VWA3B: variants seen among roughly 807,000 people sequenced by gnomAD.
VWA3B encodes von Willebrand factor A domain containing 3B.
In VWA3B, 138 loss-of-function variants were observed where a neutral mutation model predicts 158.3. That is an observed-to-expected ratio of 0.87 (90% confidence interval 0.76 to 1.00). The LOEUF (loss-of-function observed/expected upper bound fraction) is 1.00, where lower values mean the gene tolerates loss of function less well. VWA3B is among the 50% of genes least tolerant of loss of function. VWA3B has a pLI of 0.00. For missense variants in VWA3B, 1,555 were observed against 1,565.1 expected, an observed-to-expected ratio of 0.99 and a Z score of 0.11; for synonymous variants, 596 against 587.3, an observed-to-expected ratio of 1.01 and a Z score of -0.21.
At chr2:98,215,306 T>G (rs144708105) in intron 13 of VWA3B, among the ~76,000 whole-genome samples, 3,095 of 150,896 alleles carry the variant, frequency 0.021, 34 homozygotes, top group Middle Eastern at 0.068. Context: ...CTGGGCCTGG[T>G]GGCGTGCGCC....
intron 12 of VWA3B, among the ~76,000 whole-genome samples, chr2:98,211,420 T>A (rs940702267): frequency 1.3e-5 from 2 of 152,226 alleles, no homozygotes; most frequent in Non-Finnish European, 2.9e-5. Context: ...ATTTTCTAAG[T>A]GTTTACTACG....
At chr2:98,215,267 C>T (rs1683880357) in intron 13 of VWA3B, among the ~76,000 whole-genome samples, 1 of 151,536 alleles carries the variant, frequency 6.6e-6, no homozygotes, top group Admixed American at 6.6e-5. Flanking sequence ...ACGGTGAAAC[C>T]CCGTCTCTAC....
At chr2:98,096,640 C>T (rs1682734916) in intron 2 of VWA3B, among the ~76,000 whole-genome samples, 1 of 152,148 alleles carries the variant, frequency 6.6e-6, no homozygotes, top group Non-Finnish European at 1.5e-5. Context: ...CTTCATAATT[C>T]AATCTTGGTA....
intron 22 of VWA3B, among the ~76,000 whole-genome samples, chr2:98,284,863 C>T (rs74695808): frequency 0.1 from 15,139 of 151,950 alleles, 1,018 homozygotes; most frequent in Non-Finnish European, 0.15. Context: ...ATGGAAAATC[C>T]CCAGTTTCGG....
chr2:98,276,032 G>A (rs896521643), intron 22 of VWA3B, among the ~76,000 whole-genome samples: 4 of 152,218 alleles, frequency 2.6e-5, no homozygotes, highest in East Asian at 1.9e-4. Flanking sequence ...GGCTAAGACT[G>A]TCCCCTCACT....
intron 19 of VWA3B, among the ~76,000 whole-genome samples, chr2:98,246,262 G>A (rs1417415290): frequency 6.6e-6 from 1 of 152,002 alleles, no homozygotes; most frequent in Non-Finnish European, 1.5e-5. Flanking sequence ...TAAAAATAAA[G>A]CATTTCAGAT....
At chr2:98,185,399 T>C (rs1457941194) in intron 9 of VWA3B, among the ~76,000 whole-genome samples, 2 of 152,256 alleles carry the variant, frequency 1.3e-5, no homozygotes, top group African/African-American at 4.8e-5. Context: ...CTTTTCTGGC[T>C]TATCTCCGTG....
intron 8 of VWA3B, among the ~76,000 whole-genome samples, chr2:98,174,650 T>G (rs1679859550): frequency 6.6e-6 from 1 of 152,174 alleles, no homozygotes; most frequent in South Asian, 2.1e-4. Context: ...TTTCCAAAGC[T>G]CTGAGGTATT....
chr2:98,110,498 G>A (rs1339030569), intron 2 of VWA3B, among the ~76,000 whole-genome samples: 3 of 151,968 alleles, frequency 2.0e-5, no homozygotes, highest in South Asian at 2.1e-4. Context: ...TCTCATCTTG[G>A]TGTTGATATT....
At chr2:98,119,373 A>G (rs1674777215) in intron 3 of VWA3B, 140 bp from the exon 4 acceptor site, 1 of 932,244 alleles carries the variant, frequency 1.1e-6, no homozygotes. Context: ...AAAGACTGGA[A>G]CCTTTTCTCC....
Position 98,290,626 on chromosome 2 carries a change from G to GTT in VWA3B, c.3157+16_3157+17dup, listed in dbSNP as rs368082214. 1.8e-3 allele frequency: 2,364 copies of GTT among 1,321,010 alleles called. No individual in the cohort carries two copies. Among genetic ancestry groups the GTT allele is most frequent in the Non-Finnish European group, 1.9e-3 (1,856 of 962,326 alleles). 81.8% of individuals were successfully genotyped at this position (1,321,010 alleles called of 1,614,324 possible). On this transcript the variant is annotated splice_donor_region_variant and intron_variant, in intron 23 of 27. Coordinates refer to ENST00000477737, the MANE Select transcript of VWA3B (RefSeq NM_144992.5). ...GAAAATGGCTTTTATTTTCCAGGTA[G>GTT]TTTTTTTTTTTTTAATTTCGTGAGG...
At chr2:98,203,904 A>T (rs1192303883) in intron 12 of VWA3B, among the ~76,000 whole-genome samples, 5 of 152,240 alleles carry the variant, frequency 3.3e-5, no homozygotes, top group Non-Finnish European at 7.3e-5. Flanking sequence ...GGAAAAATAA[A>T]TGGTAAAAAT....
intron 21 of VWA3B, chr2:98,269,391 ATC>A (rs1688062383): frequency 6.6e-6 from 1 of 152,128 alleles, no homozygotes; most frequent in Non-Finnish European, 1.5e-5. Flanking sequence ...GTACTGCAGT[ATC>A]TCCAATGCTG....
chr2:98,181,093 G>A lies in VWA3B; in HGVS notation c.1192G>A (p.Gly398Ser), dbSNP rs1236506194. 1 of 1,614,214 alleles carries A rather than the reference G, an allele frequency of 6.2e-7. No individual in the cohort carries two copies. Among genetic ancestry groups the A allele is most frequent in the Admixed American group, 1.7e-5 (1 of 60,020 alleles). ...WDSKTWLQKY[G>S]LKAQKLSLYD... is the part of the protein sequence containing the mutation. ...CTCTAAGACATGGCTGCAGAAATATGGCTTGAAGGCCCAGAAGCTATCCTT... is the reference window on the plus strand; with the variant it reads ...CTCTAAGACATGGCTGCAGAAATATAGCTTGAAGGCCCAGAAGCTATCCTT... The change falls in exon 9 of 28, where the codon GGC becomes AGC. Residue 398 changes from glycine (G) to serine (S), a missense_variant. Physicochemically the swap from Gly to Ser is moderately conservative, Grantham distance 56. Transcript: ENST00000477737.
rs139278496 is a variant in VWA3B at position 98,156,916 on chromosome 2, C to T, written c.989-5935C>T. ...TAGCCCCATAGCATCCTGGAGTCTG[C>T]GGTCATTTTTCTCACCAAGTTTGGG... is the stretch of plus-strand genomic sequence containing the variant. On this transcript the variant is annotated intron_variant, in intron 7 of 27. Transcript: ENST00000477737. Among the ~76,000 whole-genome samples, 496 of 152,220 alleles carry T rather than the reference C, an allele frequency of 3.3e-3. 4 individuals carry two copies. The highest frequency in any genetic ancestry group is 0.011 in the African/African-American group (449 of 41,510).
At chr2:98,260,346 G>T in intron 21 of VWA3B, among the ~76,000 whole-genome samples, 1 of 151,360 alleles carries the variant, frequency 6.6e-6, no homozygotes, top group South Asian at 2.1e-4. Flanking sequence ...TACACAGTTG[G>T]CCCCTCCATG....
chr2:98,210,175 C>T (rs1683391504), intron 12 of VWA3B, among the ~76,000 whole-genome samples: 1 of 152,164 alleles, frequency 6.6e-6, no homozygotes. Flanking sequence ...CTCCTATGGG[C>T]TTTACAGTTA....
rs764473771 is a variant in VWA3B, at chr2:98,236,503, A to C, written c.2516+26A>C. ...GTGAGTTCTTTAATTTGACAAAGAC[A>C]GTTCTGTTATGCTTCTGTTGGTTAA... On this transcript the variant is annotated intron_variant, in intron 18 of 27. Coordinates refer to ENST00000477737, the MANE Select transcript of VWA3B (RefSeq NM_144992.5). 6 of 1,613,990 alleles carry C rather than the reference A, an allele frequency of 3.7e-6. No homozygotes were observed. In the African/African-American group the frequency reaches 8.0e-5, roughly 22 times the overall value.
chr2:98,257,212 T>G (rs1687211418), intron 21 of VWA3B, among the ~76,000 whole-genome samples: 1 of 152,100 alleles, frequency 6.6e-6, no homozygotes, highest in Non-Finnish European at 1.5e-5. Context: ...CTATTTGTCT[T>G]TCTGTGCCGG....
Sources: allele counts gnomAD v4.1 joint callset (sites outside exome capture counted in the v4.1 genomes callset), GRCh38; gene constraint gnomAD v4.1.1; transcripts MANE v1.5; gene names NCBI Gene and HGNC (gene_info 2026-07-23, HGNC 2026-07-21).